DLG2: variants seen among roughly 807,000 people sequenced by gnomAD.
The protein encoded by DLG2 is disks large homolog 2.
DLG2 carries 45 observed loss-of-function variants against 132.5 expected under a neutral mutation model. That is an observed-to-expected ratio of 0.34 (90% CI 0.27 to 0.44). DLG2 has a LOEUF of 0.44. DLG2 is among the 20% of genes least tolerant of loss of function. The pLI is 1.00. For missense variants in DLG2, 1,045 were observed against 1,196.9 expected, an observed-to-expected ratio of 0.87 and a Z score of 1.87; for synonymous variants, 424 against 419.6, an observed-to-expected ratio of 1.01 and a Z score of -0.13.
Position 84,578,298 on chromosome 11 carries a change from A to G in DLG2, c.358-43567T>C, listed in dbSNP as rs2099508161. Among the ~76,000 whole-genome samples, 3 of 152,044 alleles carry G rather than the reference A, an allele frequency of 2.0e-5. No individual in the cohort carries two copies. The South Asian group carries it at 6.2e-4, about 32-fold the overall frequency. On this transcript the variant is annotated intron_variant, in intron 6 of 27. Transcript: ENST00000376104. ...TGCAAAGAGGGCCACTGTGCTCCAGACCCCAGAATGGTAGATCCACCGACA... is the reference window on the plus strand; with the variant it reads ...TGCAAAGAGGGCCACTGTGCTCCAGGCCCCAGAATGGTAGATCCACCGACA...
rs560274572 is a variant in DLG2 at position 83,828,903 on chromosome 11, CATACAT to C, written c.1722+4705_1722+4710del. 1.1e-3 allele frequency among the ~76,000 whole-genome samples: 172 copies of C among 151,980 alleles called. 2 individuals carry two copies. Among genetic ancestry groups the C allele is most frequent in the African/African-American group, 4.0e-3 (167 of 41,442 alleles). ...ATGTATATGTGTTTATATACATATACATACATATACAATACCTGGCACATAGTAAGC... is the reference window on the plus strand; with the variant it reads ...ATGTATATGTGTTTATATACATATACATACAATACCTGGCACATAGTAAGC... On this transcript the variant is annotated intron_variant, in intron 17 of 27. Transcript: ENST00000376104.
chr11:84,098,525 C>T (rs1031377391), intron 10 of DLG2, among the ~76,000 whole-genome samples: 1 of 152,030 alleles, frequency 6.6e-6, no homozygotes, highest in Non-Finnish European at 1.5e-5. Flanking sequence ...AAATGGTTGC[C>T]GAATATGAGA....
At chr11:84,509,895 G>C (rs2099252343) in intron 7 of DLG2, among the ~76,000 whole-genome samples, 1 of 151,912 alleles carries the variant, frequency 6.6e-6, no homozygotes, top group Non-Finnish European at 1.5e-5. Context: ...GAAAGGGAAA[G>C]AGATATTATT....
At chr11:85,498,177 G>C (rs528854391) in intron 3 of DLG2, among the ~76,000 whole-genome samples, 1 of 152,120 alleles carries the variant, frequency 6.6e-6, no homozygotes, top group Non-Finnish European at 1.5e-5. Flanking sequence ...GCTATATTCA[G>C]GAGACTCATC....
intron 6 of DLG2, among the ~76,000 whole-genome samples, chr11:84,709,209 G>A (rs1359621811): frequency 6.6e-6 from 1 of 151,932 alleles, no homozygotes; most frequent in Admixed American, 6.6e-5. Context: ...CTAGCAAAGT[G>A]ATGGCACTTG....
intron 11 of DLG2, among the ~76,000 whole-genome samples, chr11:84,016,758 TA>T (rs2095212385): frequency 6.6e-6 from 1 of 152,098 alleles, no homozygotes; most frequent in Admixed American, 6.6e-5. Context: ...TTATTATTCT[TA>T]TTTTGTTGAA....
At chr11:85,623,303 T>C (rs1469355877) in intron 2 of DLG2, among the ~76,000 whole-genome samples, 1 of 151,446 alleles carries the variant, frequency 6.6e-6, no homozygotes, top group Non-Finnish European at 1.5e-5. Context: ...CCGAAGACAA[T>C]AGGACAATTT....
intron 3 of DLG2, among the ~76,000 whole-genome samples, chr11:85,554,636 C>T (rs1469599950): frequency 6.6e-6 from 1 of 151,802 alleles, no homozygotes; most frequent in African/African-American, 2.4e-5. Context: ...ACCAAAACTG[C>T]CTTTGTAAAA....
At chr11:84,501,357 T>C (rs999211238) in intron 7 of DLG2, among the ~76,000 whole-genome samples, 1 of 152,084 alleles carries the variant, frequency 6.6e-6, no homozygotes, top group African/African-American at 2.4e-5. Context: ...CTGAGGTCAG[T>C]AGTTCGAGAC....
intron 6 of DLG2, among the ~76,000 whole-genome samples, chr11:84,577,133 C>T (rs934431102): frequency 6.6e-6 from 1 of 152,178 alleles, no homozygotes; most frequent in Non-Finnish European, 1.5e-5. Flanking sequence ...CCTTTTGCCT[C>T]CCGCCATGAT....
intron 6 of DLG2, among the ~76,000 whole-genome samples, chr11:84,789,842 C>A (rs1185596708): frequency 6.6e-6 from 1 of 152,104 alleles, no homozygotes; most frequent in Non-Finnish European, 1.5e-5. Flanking sequence ...CTAAGGTTTT[C>A]TTTCTGTGCC....
chr11:83,513,592 A>AT (rs2095154834), intron 21 of DLG2, among the ~76,000 whole-genome samples: 1 of 152,186 alleles, frequency 6.6e-6, no homozygotes, highest in African/African-American at 2.4e-5. Context: ...TTTACACATG[A>AT]AGTCCTTGCC....
chr11:85,186,617 C>T (rs17207864), intron 4 of DLG2, among the ~76,000 whole-genome samples: 3,898 of 152,166 alleles, frequency 0.026, 88 homozygotes, highest in East Asian at 0.093. Context: ...CTAAAAGTGG[C>T]TATTTTAAGA....
At chr11:84,313,118 C>CT (rs111836392) in intron 7 of DLG2, among the ~76,000 whole-genome samples, 3,229 of 147,984 alleles carry the variant, frequency 0.022, 64 homozygotes, top group East Asian at 0.067. Context: ...CAATTTTTTT[C>CT]TTTTTTTTCT....
chr11:84,982,117 C>T (rs552696452), intron 6 of DLG2, among the ~76,000 whole-genome samples: 15 of 152,158 alleles, frequency 9.9e-5, no homozygotes, highest in South Asian at 8.3e-4. Context: ...TAGGCTCTTC[C>T]GCCTGTAGCC....
At chr11:84,822,575 A>T (rs1280467726) in intron 6 of DLG2, among the ~76,000 whole-genome samples, 1 of 151,924 alleles carries the variant, frequency 6.6e-6, no homozygotes, top group Admixed American at 6.6e-5. Flanking sequence ...AGATCTGTGA[A>T]GTTTAAAGAA....
At chr11:84,260,491 T>TCAA (rs1299827908) in intron 7 of DLG2, among the ~76,000 whole-genome samples, 1 of 152,196 alleles carries the variant, frequency 6.6e-6, no homozygotes, top group Non-Finnish European at 1.5e-5. Flanking sequence ...GGCAATTATA[T>TCAA]CAACCACCAA....
At chr11:84,083,034 C>CT (rs1393255609) in intron 10 of DLG2, among the ~76,000 whole-genome samples, 2 of 152,122 alleles carry the variant, frequency 1.3e-5, no homozygotes, top group East Asian at 3.9e-4. Flanking sequence ...AATCCCAGCA[C>CT]TTTTGGAGGC....
At chr11:85,523,738 CA>C (rs1322445990) in intron 3 of DLG2, among the ~76,000 whole-genome samples, 1 of 152,084 alleles carries the variant, frequency 6.6e-6, no homozygotes, top group Non-Finnish European at 1.5e-5. Flanking sequence ...GGTACATACC[CA>C]AAAGAAAGAA....
Sources: allele counts gnomAD v4.1 joint callset (sites outside exome capture counted in the v4.1 genomes callset), GRCh38; gene constraint gnomAD v4.1.1; transcripts MANE v1.5; gene names NCBI Gene and HGNC (gene_info 2026-07-23, HGNC 2026-07-21).